STYXL1: variants seen among roughly 807,000 people sequenced by gnomAD.
The protein encoded by STYXL1 is serine/threonine/tyrosine interacting like 1.
STYXL1 carries 32 observed loss-of-function variants against 36.4 expected under a neutral mutation model. The observed-to-expected ratio is 0.88, with a 90% CI of 0.66 to 1.18. STYXL1 has a LOEUF of 1.18. Ranked by LOEUF, STYXL1 falls within the 50% of genes most tolerant of loss-of-function variation. The pLI, the probability that STYXL1 is intolerant of heterozygous loss-of-function variation, is 0.00. For synonymous variants in STYXL1, 133 were observed against 144.1 expected (o/e 0.92, Z 0.55); for missense variants, 354 against 394.1 (o/e 0.90, Z 0.86).
intron 1 of STYXL1, among the ~76,000 whole-genome samples, chr7:76,036,992 G>A (rs1263716437): frequency 6.7e-6 from 1 of 149,296 alleles, no homozygotes; most frequent in African/African-American, 2.4e-5. Flanking sequence ...CACCGTGTTA[G>A]CCAGGATGGT....
intron 8 of STYXL1, among the ~76,000 whole-genome samples, chr7:75,999,912 G>A (rs1790660239): frequency 6.6e-6 from 1 of 151,964 alleles, no homozygotes. Flanking sequence ...GCAGTCAAAA[G>A]GCTTACTATG....
rs533552517 is a variant in STYXL1, at chr7:75,999,960, G to A, written c.810+930C>T. Among the ~76,000 whole-genome samples the A allele has an allele frequency of 8.6e-5, 13 of 151,938 alleles. No homozygotes were observed. The South Asian group carries it at 1.5e-3, about 17-fold the overall frequency. ...CAGAACAGGCCCTGGAGGAAGAATC[G>A]TAAACCACCCATCCCCCACCACCAC... On this transcript the variant is annotated intron_variant, in intron 8 of 8. Transcript: ENST00000359697.
At chr7:76,003,320 G>C (rs1375263854) in intron 7 of STYXL1, among the ~76,000 whole-genome samples, 2 of 152,244 alleles carry the variant, frequency 1.3e-5, no homozygotes, top group Admixed American at 1.3e-4. Flanking sequence ...AGTCAGAACT[G>C]AAAGAGCTTT....
chr7:76,020,238 T>C (rs1459023049), intron 4 of STYXL1, among the ~76,000 whole-genome samples: 1 of 152,226 alleles, frequency 6.6e-6, no homozygotes, highest in Non-Finnish European at 1.5e-5. Flanking sequence ...GACAATTTCC[T>C]GGCCAAGGAC....
At chr7:76,010,945 T>C (rs557979234) in intron 5 of STYXL1, among the ~76,000 whole-genome samples, 5 of 152,352 alleles carry the variant, frequency 3.3e-5, no homozygotes, top group Non-Finnish European at 5.9e-5. Flanking sequence ...CCAGGTGTGG[T>C]GGTTCATGCC....
chr7:76,047,204 T>G (rs1466608233), intron 1 of STYXL1, among the ~76,000 whole-genome samples: 2 of 152,022 alleles, frequency 1.3e-5, no homozygotes, highest in Non-Finnish European at 2.9e-5. Flanking sequence ...GAGGTTGCAG[T>G]GAGCCAAGAT....
intron 1 of STYXL1, among the ~76,000 whole-genome samples, chr7:76,039,589 G>C (rs868958758): frequency 6.6e-6 from 1 of 152,154 alleles, no homozygotes; most frequent in Non-Finnish European, 1.5e-5. Context: ...GAGGGAAGAG[G>C]AGGAGGAGAC....
intron 1 of STYXL1, among the ~76,000 whole-genome samples, chr7:76,046,987 C>A (rs1797198773): frequency 6.6e-6 from 1 of 150,668 alleles, no homozygotes; most frequent in Non-Finnish European, 1.5e-5. Flanking sequence ...TCAGGCCGGG[C>A]GCGGTGGCTC....
intron 1 of STYXL1, among the ~76,000 whole-genome samples, chr7:76,042,777 T>C (rs543851184): frequency 2.0e-5 from 3 of 152,180 alleles, no homozygotes; most frequent in East Asian, 1.9e-4. Flanking sequence ...CTAATCTCTC[T>C]TGTTCTCCTT....
At chr7:75,999,866 C>A in intron 8 of STYXL1, among the ~76,000 whole-genome samples, 1 of 151,996 alleles carries the variant, frequency 6.6e-6, no homozygotes. Context: ...ATTTTAACCA[C>A]AATTTTTTTT....
chr7:76,004,704 A>G (rs998449610), intron 6 of STYXL1, among the ~76,000 whole-genome samples: 1 of 149,132 alleles, frequency 6.7e-6, no homozygotes, highest in Non-Finnish European at 1.5e-5. Context: ...ACCCCATCTC[A>G]AAAAATAATA....
intron 3 of STYXL1, among the ~76,000 whole-genome samples, chr7:76,027,083 A>G (rs1794802032): frequency 6.6e-6 from 1 of 151,888 alleles, no homozygotes; most frequent in Non-Finnish European, 1.5e-5. Context: ...AAAAAAGAAT[A>G]AAGAAAAGAA....
intron 4 of STYXL1, among the ~76,000 whole-genome samples, chr7:76,020,133 T>C (rs1182348783): frequency 6.6e-6 from 1 of 152,136 alleles, no homozygotes; most frequent in Non-Finnish European, 1.5e-5. Context: ...AAGGGGATTA[T>C]CCATGTTGAG....
intron 1 of STYXL1, among the ~76,000 whole-genome samples, chr7:76,033,037 G>C (rs1795541080): frequency 6.6e-6 from 1 of 152,192 alleles, no homozygotes; most frequent in Non-Finnish European, 1.5e-5. Context: ...GATGTGTCCA[G>C]AGCTAGGCTC....
At chr7:76,045,321 A>T (rs1006842405) in intron 1 of STYXL1, 1 of 151,986 alleles carries the variant, frequency 6.6e-6, no homozygotes, top group Non-Finnish European at 1.5e-5. Context: ...ATTCCTAAAC[A>T]ATCTCCATTT....
At chr7:76,030,304 A>C in intron 2 of STYXL1, 117 bp downstream of exon 2, 22 of 691,376 alleles carry the variant, frequency 3.2e-5, no homozygotes, top group Non-Finnish European at 3.8e-5. Flanking sequence ...CAGCCCAGGG[A>C]TCCCTGTTCT....
intron 1 of STYXL1, chr7:76,043,917 T>C (rs1169345369): frequency 1.3e-5 from 2 of 152,244 alleles, no homozygotes; most frequent in Non-Finnish European, 2.9e-5. Flanking sequence ...ACAGTAAGTC[T>C]GTCCTAGTAA....
At chr7:76,034,904 C>T (rs1323597425) in intron 1 of STYXL1, among the ~76,000 whole-genome samples, 2 of 152,170 alleles carry the variant, frequency 1.3e-5, no homozygotes, top group Non-Finnish European at 2.9e-5. Context: ...CCAATGATTC[C>T]CAAATTTTAT....
At chr7:76,039,899 A>C (rs561473037) in intron 1 of STYXL1, among the ~76,000 whole-genome samples, 1 of 152,190 alleles carries the variant, frequency 6.6e-6, no homozygotes, top group Non-Finnish European at 1.5e-5. Context: ...CACCTGCCTC[A>C]ACTTCCCAAA....
Sources: allele counts gnomAD v4.1 joint callset (sites outside exome capture counted in the v4.1 genomes callset), GRCh38; gene constraint gnomAD v4.1.1; transcripts MANE v1.5; gene names NCBI Gene and HGNC (gene_info 2026-07-23, HGNC 2026-07-21).